The following CES1 variants were observed in gnomAD, a reference collection of about 807,000 sequenced individuals.
CES1 encodes liver carboxylesterase 1.
CES1 carries 50 observed loss-of-function variants against 53.0 expected under a neutral mutation model. That is an observed-to-expected ratio of 0.94 (90% confidence interval 0.75 to 1.19). CES1 has a LOEUF of 1.19. Among genes scored for constraint, CES1 ranks in the 50% most tolerant of loss-of-function variants. The pLI, the probability that CES1 is intolerant of heterozygous loss-of-function variation, is 0.00. For synonymous variants in CES1, 202 were observed against 210.1 expected, an observed-to-expected ratio of 0.96 and a Z score of 0.33; for missense variants, 534 against 538.0, an observed-to-expected ratio of 0.99 and a Z score of 0.07.
Position 55,832,939 on chromosome 16 carries a change from G to A in CES1, c.52+65C>T, listed in dbSNP as rs1376380532. On this transcript the variant is annotated intron_variant, in intron 1 of 13. Transcript: ENST00000360526. ...TGTCTTTGCCTTTCTACGCATCTGC[G>A]CCCACCTCGGCCCAGAACAAGGATT... 25 of 1,347,542 alleles carry A rather than the reference G, an allele frequency of 1.9e-5. 1 individual carries two copies. The highest frequency in any genetic ancestry group is 2.3e-5 in the Non-Finnish European group (22 of 939,334). 83.5% of individuals were successfully genotyped at this position (1,347,542 alleles called of 1,614,324 possible).
intron 4 of CES1, among the ~76,000 whole-genome samples, chr16:55,822,311 C>G (rs1360227145): frequency 7.9e-5 from 12 of 152,342 alleles, no homozygotes; most frequent in African/African-American, 2.9e-4. Context: ...AGATCATAAT[C>G]AAGGTGACAG....
Position 55,810,135 on chromosome 16 carries a change from C to A in CES1, c.1318+382G>T, listed in dbSNP as rs150503604. Among the ~76,000 whole-genome samples, 1,074 of 152,222 alleles carry A rather than the reference C, an allele frequency of 7.1e-3. 16 individuals are homozygous for A. The highest frequency in any genetic ancestry group is 0.024 in the African/African-American group (997 of 41,506). On this transcript the variant is annotated intron_variant, in intron 11 of 13. Coordinates refer to ENST00000360526, the MANE Select transcript of CES1 (RefSeq NM_001025195.2). ...GGTGAATAAATACCCGGCTCCCTTG[C>A]CACTCAGATGGGATGCCCCTGAGCC...
intron 2 of CES1, 108 bp downstream of exon 2, chr16:55,828,659 A>C (rs79647997): frequency 2.8e-6 from 3 of 1,059,330 alleles, no homozygotes; most frequent in Non-Finnish European, 4.2e-6. Flanking sequence ...GGATCTACAA[A>C]GATCTTAAGG....
rs376932562 is a variant in CES1 at position 55,809,093 on chromosome 16, C to CAAAAAAAAAAAAAAAAAAAAAAAAAAAAA, written c.1318+1423_1318+1424insTTTTTTTTTTTTTTTTTTTTTTTTTTTTT. Among the ~76,000 whole-genome samples the CAAAAAAAAAAAAAAAAAAAAAAAAAAAAA allele has an allele frequency of 6.9e-5, 5 of 72,066 alleles. 2 individuals are homozygous for CAAAAAAAAAAAAAAAAAAAAAAAAAAAAA. The highest frequency in any genetic ancestry group is 1.3e-4 in the Non-Finnish European group (5 of 37,782). 47.3% of individuals were successfully genotyped at this position (72,066 alleles called of 152,430 possible). A position where few individuals can be genotyped will look rare whatever the true frequency, so the allele number is the denominator to read the frequency against. On this transcript the variant is annotated intron_variant, in intron 11 of 13. Transcript: ENST00000360526. ...GTAGATAAAATCTGTGTAGTCCTGG[C>CAAAAAAAAAAAAAAAAAAAAAAAAAAAAA]AAAAAAAAAAAAAAAAAAGCCCTGA...
chr16:55,824,569 T>G (rs561481465), intron 3 of CES1, among the ~76,000 whole-genome samples: 44 of 152,306 alleles, frequency 2.9e-4, no homozygotes, highest in African/African-American at 1.0e-3. Flanking sequence ...CTGCCCAAGG[T>G]CCTACAACTC....
intron 7 of CES1, 108 bp from the exon 8 acceptor site, chr16:55,817,070 A>T (rs1431901819): frequency 8.4e-7 from 1 of 1,193,556 alleles, no homozygotes; most frequent in South Asian, 1.2e-5. Context: ...CACTCCGTGA[A>T]TTCGTATATC....
intron 2 of CES1, 45 bp from the exon 3 acceptor site, chr16:55,826,340 A>G (rs1426928095): frequency 1.9e-6 from 3 of 1,612,912 alleles, no homozygotes; most frequent in South Asian, 1.1e-5. Context: ...GCCAGATCTA[A>G]GCGAGGTGTT....
rs1200653892 is a variant in CES1 at position 55,828,921 on chromosome 16, C to T, written c.106G>A (p.Gly36Arg). 4 of 1,613,962 alleles carry T rather than the reference C, an allele frequency of 2.5e-6. No homozygotes were observed. Among genetic ancestry groups the T allele is most frequent in the Non-Finnish European group, 3.4e-6 (4 of 1,179,956 alleles). Residue 36 changes from glycine (G) to arginine (R), a missense_variant, in exon 2 of 14, where the codon GGG becomes AGG. This residue lies in a region of CES1 where 164 missense variants were observed against 162.4 expected (regional missense o/e 1.01). Coordinates refer to ENST00000360526, the MANE Select transcript of CES1 (RefSeq NM_001025195.2). ...VVDTVHGKVL[G>R]KFVSLEGFAQ... ...AATCCTTCTAAGCTGACGAACTTCC[C>T]CAGCACTTTGCCATGCACGGTGTCC...
chr16:55,811,234 A>C (rs2142315033), intron 9 of CES1, among the ~76,000 whole-genome samples: 1 of 151,980 alleles, frequency 6.6e-6, no homozygotes, highest in Admixed American at 6.5e-5. Context: ...AAAAAACAAA[A>C]TTTCAGAGAA....
At chr16:55,826,015 G>T (rs1196107192) in intron 3 of CES1, 136 bp downstream of exon 3, 6 of 1,103,492 alleles carry the variant, frequency 5.4e-6, no homozygotes, top group Non-Finnish European at 8.3e-6. Context: ...GTTTCCTGTG[G>T]AGGCCCTGGG....
chr16:55,817,748 G>C (rs2032005952), intron 7 of CES1, among the ~76,000 whole-genome samples: 1 of 141,348 alleles, frequency 7.1e-6, no homozygotes. Flanking sequence ...GTGTTTCTCT[G>C]TGTGTGTGTC....
At chr16:55,815,502 G>C (rs1485050093) in intron 8 of CES1, among the ~76,000 whole-genome samples, 1 of 152,234 alleles carries the variant, frequency 6.6e-6, no homozygotes, top group East Asian at 1.9e-4. Flanking sequence ...ACAAGTGATT[G>C]TTCTCCACTT....
At chr16:55,830,511 G>T (rs1288485801) in intron 1 of CES1, among the ~76,000 whole-genome samples, 1 of 152,106 alleles carries the variant, frequency 6.6e-6, no homozygotes, top group African/African-American at 2.4e-5. Context: ...AAGGTATTTT[G>T]AAAGACTTGG....
At position 55,828,762 on chromosome 16, in the gene CES1, C is replaced by T. The variant is rs1448889734; in HGVS notation, c.260+5G>A. Reference sequence around the variant, plus strand: ...ACATCCCCAAGGACACATGCCGCAGCTTACATAGGAGGGTACGAGGTGGCA... The same window carrying T: ...ACATCCCCAAGGACACATGCCGCAGTTTACATAGGAGGGTACGAGGTGGCA... On this transcript the variant is annotated splice_donor_5th_base_variant and intron_variant, in intron 2 of 13. Transcript: ENST00000360526. The T allele has an allele frequency of 6.2e-7, 1 of 1,614,244 alleles. No homozygotes were observed.
intron 1 of CES1, among the ~76,000 whole-genome samples, chr16:55,831,231 G>A (rs146941053): frequency 5.3e-5 from 8 of 152,242 alleles, no homozygotes; most frequent in South Asian, 4.1e-4. Context: ...GAGAGAGAAC[G>A]TTCCCATGTC....
At chr16:55,812,606 T>A (rs2031747133) in intron 9 of CES1, among the ~76,000 whole-genome samples, 1 of 152,038 alleles carries the variant, frequency 6.6e-6, no homozygotes, top group Admixed American at 6.5e-5. Context: ...CTAGGCCCCC[T>A]CCGTTTTCCC....
At chr16:55,808,537 T>G (rs1464687146) in intron 11 of CES1, among the ~76,000 whole-genome samples, 2 of 152,240 alleles carry the variant, frequency 1.3e-5, no homozygotes, top group South Asian at 4.1e-4. Flanking sequence ...GAAATCCACA[T>G]TCTTATGCAG....
chr16:55,819,428 A>G, intron 7 of CES1, 107 bp downstream of exon 7: 1 of 825,504 alleles, frequency 1.2e-6, no homozygotes. Flanking sequence ...AGATACTGAG[A>G]GTTGAGAAAT....
At chr16:55,810,084 C>T (rs568416095) in intron 11 of CES1, among the ~76,000 whole-genome samples, 3 of 152,286 alleles carry the variant, frequency 2.0e-5, no homozygotes, top group Non-Finnish European at 2.9e-5. Flanking sequence ...CTTGCAAGAG[C>T]CTTCAACCAA....
Sources: gnomAD v4.1 joint callset for allele counts (sites outside exome capture counted in the v4.1 genomes callset) on GRCh38, gnomAD v4.1.1 for gene constraint, gnomAD v4.1.1 regional missense constraint, MANE v1.5 for transcripts, NCBI Gene and HGNC (gene_info 2026-07-23, HGNC 2026-07-21) for gene names.